Variants in KIRREL3 observed in about 807,000 individuals in gnomAD.
KIRREL3 encodes kin of IRRE-like protein 3.
A neutral mutation model predicts 89.7 loss-of-function variants in KIRREL3; 36 were observed. The ratio of observed to expected loss-of-function variants is 0.40; its 90% CI spans 0.31 to 0.53. The LOEUF is 0.53. Ranked by LOEUF, KIRREL3 falls within the 20% of genes least tolerant of loss-of-function variation. KIRREL3 has a pLI of 0.49. For missense variants in KIRREL3, 864 were observed against 1,056.6 expected, an observed-to-expected ratio of 0.82 and a Z score of 2.53; for synonymous variants, 445 against 441.4, an observed-to-expected ratio of 1.01 and a Z score of -0.10.
intron 1 of KIRREL3, among the ~76,000 whole-genome samples, chr11:126,681,626 A>ACACACACACACACC (rs751501249): frequency 2.0e-5 from 3 of 151,906 alleles, no homozygotes; most frequent in African/African-American, 7.3e-5. Context: ...ACACACACAC[A>ACACACACACACACC]CCAGATCAAG....
Position 126,687,798 on chromosome 11 carries a change from G to A in KIRREL3, c.56-124886C>T, listed in dbSNP as rs925658153. Among the ~76,000 whole-genome samples, 2 of 152,200 alleles carry A rather than the reference G, an allele frequency of 1.3e-5. No individual in the cohort carries two copies. The highest frequency in any genetic ancestry group is 2.9e-5 in the Non-Finnish European group (2 of 68,034). ...TAGAAAAGTCTGCAGGTAATGACAG[G>A]CAAAGAGAGATGCGGTGAAATGGCC... On this transcript the variant is annotated intron_variant, in intron 1 of 16. Coordinates refer to ENST00000525144, the MANE Select transcript of KIRREL3 (RefSeq NM_032531.4). This position sits in a 1 kb window ranked among gnomAD's most constrained non-coding sequence, Gnocchi z 4.6.
Position 126,953,103 on chromosome 11 carries a change from A to G in KIRREL3, c.55+47352T>C, listed in dbSNP as rs1477126794. ...CAATCCAAATGCCCATCAGTGATAG[A>G]CTGAATAAAGAAAATGTGGCACATA... On this transcript the variant is annotated intron_variant, in intron 1 of 16. Coordinates refer to ENST00000525144, the MANE Select transcript of KIRREL3 (RefSeq NM_032531.4). The surrounding 1 kb of genome is among the most constrained non-coding windows in gnomAD (Gnocchi z 5.2). 1.3e-5 allele frequency among the ~76,000 whole-genome samples: 2 copies of G among 152,348 alleles called. No homozygotes were observed. Among genetic ancestry groups the G allele is most frequent in the East Asian group, 3.9e-4 (2 of 5,190 alleles).
intron 1 of KIRREL3, among the ~76,000 whole-genome samples, chr11:126,660,440 G>T (rs1195959612): frequency 6.6e-6 from 1 of 152,186 alleles, no homozygotes; most frequent in Non-Finnish European, 1.5e-5. Context: ...TCCAAAGCCG[G>T]TAAAAATGAT....
Position 126,684,995 on chromosome 11 carries a change from T to C in KIRREL3, c.56-122083A>G, listed in dbSNP as rs1946613272. Among the ~76,000 whole-genome samples, 1 of 152,172 alleles carries C rather than the reference T, an allele frequency of 6.6e-6. No individual in the cohort carries two copies. Among genetic ancestry groups the C allele is most frequent in the South Asian group, 2.1e-4 (1 of 4,836 alleles). On this transcript the variant is annotated intron_variant, in intron 1 of 16. Coordinates refer to ENST00000525144, the MANE Select transcript of KIRREL3 (RefSeq NM_032531.4). This position sits in a 1 kb window ranked among gnomAD's most constrained non-coding sequence, Gnocchi z 4.2. Reference sequence around the variant, plus strand: ...CTCATTTCTGGCTTCCCTCTTTTTCTCCTTCCTCTTCTCCTCCTCTAATAT... The same window carrying C: ...CTCATTTCTGGCTTCCCTCTTTTTCCCCTTCCTCTTCTCCTCCTCTAATAT...
chr11:126,450,247 ATG>A (rs200028796), intron 7 of KIRREL3, among the ~76,000 whole-genome samples: 12,148 of 151,218 alleles, frequency 0.08, 1,550 homozygotes, highest in African/African-American at 0.27. Flanking sequence ...ATGAATATGC[ATG>A]TGTGAGTGTG....
In KIRREL3 at chr11:126,731,294, G is replaced by C. The variant is rs145272780; in HGVS notation, c.56-168382C>G. Among the ~76,000 whole-genome samples, 147 of 152,116 alleles carry C rather than the reference G, an allele frequency of 9.7e-4. 1 individual carries two copies. The East Asian group carries it at 0.026, about 27-fold the overall frequency. ...ATCTGCCGTTCTCTGAGTAAATCAT[G>C]TTCTTCCATACCTCTGGGCCACTGC... On this transcript the variant is annotated intron_variant, in intron 1 of 16. Coordinates refer to ENST00000525144, the MANE Select transcript of KIRREL3 (RefSeq NM_032531.4).
intron 1 of KIRREL3, among the ~76,000 whole-genome samples, chr11:126,799,917 G>A (rs1332663954): frequency 6.6e-6 from 1 of 152,192 alleles, no homozygotes; most frequent in African/African-American, 2.4e-5. Context: ...GGGACTCAGG[G>A]AAGGCATCAG....
chr11:126,510,747 G>A (rs1204673795), intron 4 of KIRREL3, among the ~76,000 whole-genome samples: 1 of 152,138 alleles, frequency 6.6e-6, no homozygotes, highest in Non-Finnish European at 1.5e-5. Context: ...TCTCTCTTAT[G>A]TCTTTTACAG....
rs116961611 is a variant in KIRREL3, at chr11:126,984,538, G to A, written c.55+15917C>T. ...AAAAGCTTCCAGGCCATTCTCACTG[G>A]CTGCTGCCAGGTGCTAAGTCCTTAC... On this transcript the variant is annotated intron_variant, in intron 1 of 16. Transcript: ENST00000525144. Among the ~76,000 whole-genome samples the A allele has an allele frequency of 4.9e-4, 74 of 152,324 alleles. No individual in the cohort carries two copies. In the East Asian group the frequency reaches 0.013, roughly 27 times the overall value.
rs1403136601 is a variant in KIRREL3, at chr11:126,704,554, C to A, written c.56-141642G>T. On this transcript the variant is annotated intron_variant, in intron 1 of 16. Coordinates refer to ENST00000525144, the MANE Select transcript of KIRREL3 (RefSeq NM_032531.4). The surrounding 1 kb of genome is among the most constrained non-coding windows in gnomAD (Gnocchi z 4.2). ...TGCAGGCTTTTTCTCTAAAAGGCTGCCCTATTTGTGTTGTGTGTCCCTGTA... is the reference window on the plus strand; with the variant it reads ...TGCAGGCTTTTTCTCTAAAAGGCTGACCTATTTGTGTTGTGTGTCCCTGTA... Among the ~76,000 whole-genome samples the A allele has an allele frequency of 2.0e-5, 3 of 152,134 alleles. No homozygotes were observed. Among genetic ancestry groups the A allele is most frequent in the African/African-American group, 7.2e-5 (3 of 41,420 alleles).
At chr11:126,927,027 C>T (rs866865315) in intron 1 of KIRREL3, among the ~76,000 whole-genome samples, 2 of 152,312 alleles carry the variant, frequency 1.3e-5, no homozygotes, top group South Asian at 2.1e-4. Flanking sequence ...TATTGGCAAT[C>T]GAGCTGAGAT....
At chr11:126,449,269 G>A in intron 7 of KIRREL3, 112 bp from the exon 8 acceptor site, 1 of 1,188,400 alleles carries the variant, frequency 8.4e-7, no homozygotes, top group Non-Finnish European at 1.2e-6. Context: ...TGGCAAGTGG[G>A]GAGTCCTCTG....
intron 1 of KIRREL3, among the ~76,000 whole-genome samples, chr11:126,839,758 C>T (rs537384906): frequency 1.9e-3 from 289 of 152,204 alleles, no homozygotes; most frequent in South Asian, 5.2e-3. Context: ...TTGCATGCTT[C>T]GGTAATGTTT....
chr11:126,919,592 G>T (rs1947187305), intron 1 of KIRREL3, among the ~76,000 whole-genome samples: 1 of 152,184 alleles, frequency 6.6e-6, no homozygotes. Flanking sequence ...CTGGGGTTGG[G>T]CTATTCTGGT....
chr11:126,906,582 T>C lies in KIRREL3; in HGVS notation c.55+93873A>G, dbSNP rs1285519655. The stretch of plus-strand genomic sequence containing the variant: ...TGCCATGAAAAACAGCGTTGTTTTT[T>C]GTTTTTGTTTTTGCTTCAGATCTCC... On this transcript the variant is annotated intron_variant, in intron 1 of 16. Transcript: ENST00000525144. This position sits in a 1 kb window ranked among gnomAD's most constrained non-coding sequence, Gnocchi z 4.1. Among the ~76,000 whole-genome samples, 2 of 151,006 alleles carry C rather than the reference T, an allele frequency of 1.3e-5. No homozygotes were observed. Among genetic ancestry groups the C allele is most frequent in the African/African-American group, 4.9e-5 (2 of 40,992 alleles).
At chr11:126,815,014 A>T (rs1293047414) in intron 1 of KIRREL3, among the ~76,000 whole-genome samples, 1 of 152,180 alleles carries the variant, frequency 6.6e-6, no homozygotes. Flanking sequence ...CTAAATTTAG[A>T]GGATTCATCA....
chr11:126,437,093 T>A, intron 11 of KIRREL3, 84 bp from the exon 12 acceptor site: 1 of 1,284,492 alleles, frequency 7.8e-7, no homozygotes, highest in Non-Finnish European at 1.0e-6. Flanking sequence ...GCCACTGTCC[T>A]GCTCATGTTC....
Position 126,431,650 on chromosome 11 carries a change from G to A in KIRREL3, c.1589-124C>T. The A allele has an allele frequency of 1.0e-6, 1 of 962,290 alleles. No homozygotes were observed. The highest frequency in any genetic ancestry group is 1.6e-6 in the Non-Finnish European group (1 of 640,670). The allele number at this position is 962,290 out of a possible 1,614,324, so 59.6% of individuals were successfully genotyped here. A position where few individuals can be genotyped will look rare whatever the true frequency, so the allele number is the denominator to read the frequency against. ...TGGGGCCCTCCTGGGAAATGCCTCA[G>A]TGGGGCCTGGGCAGGCACAGGCCGA... On this transcript the variant is annotated intron_variant, in intron 13 of 16. Coordinates refer to ENST00000525144, the MANE Select transcript of KIRREL3 (RefSeq NM_032531.4). The surrounding 1 kb of genome is among the most constrained non-coding windows in gnomAD (Gnocchi z 7.1).
rs1948513116 is a variant in KIRREL3 at position 126,943,248 on chromosome 11, C to T, written c.55+57207G>A. On this transcript the variant is annotated intron_variant, in intron 1 of 16. Transcript: ENST00000525144. The surrounding 1 kb of genome is among the most constrained non-coding windows in gnomAD (Gnocchi z 4.2). ...GCAGCTCCCATGGTAAAACATTCAC[C>T]GTCATTCTTTCTCTCTTCTCACTCA... Among the ~76,000 whole-genome samples the T allele has an allele frequency of 6.6e-6, 1 of 152,130 alleles. No individual in the cohort carries two copies. Among genetic ancestry groups the T allele is most frequent in the African/African-American group, 2.4e-5 (1 of 41,404 alleles).
Sources: gnomAD v4.1 joint callset for allele counts (sites outside exome capture counted in the v4.1 genomes callset) on GRCh38, gnomAD v4.1.1 for gene constraint, Gnocchi (gnomAD v3.1) non-coding constraint, MANE v1.5 for transcripts, NCBI Gene and HGNC (gene_info 2026-07-23, HGNC 2026-07-21) for gene names.